The following GRID1 variants were observed in gnomAD, a reference collection of about 807,000 sequenced individuals.
The protein encoded by GRID1 is glutamate receptor ionotropic, delta-1.
GRID1 carries 28 observed loss-of-function variants against 98.0 expected under a neutral mutation model. That is an observed-to-expected ratio of 0.29 (90% confidence interval 0.21 to 0.39). The LOEUF (loss-of-function observed/expected upper bound fraction) is 0.39, where lower values mean the gene tolerates loss of function less well. Ranked by LOEUF, GRID1 falls within the 10% of genes least tolerant of loss-of-function variation. The pLI, the probability that GRID1 is intolerant of heterozygous loss-of-function variation, is 1.00. For synonymous variants in GRID1, 553 were observed against 538.5 expected (o/e 1.03, Z -0.37); for missense variants, 1,111 against 1,340.5 (o/e 0.83, Z 2.67).
intron 2 of GRID1, among the ~76,000 whole-genome samples, chr10:86,214,039 C>A (rs913933845): frequency 6.6e-6 from 1 of 152,202 alleles, no homozygotes; most frequent in Non-Finnish European, 1.5e-5. Context: ...CCAGTGGACC[C>A]TTACACCTCC....
At chr10:86,087,741 C>G (rs954887305) in intron 4 of GRID1, among the ~76,000 whole-genome samples, 1 of 152,162 alleles carries the variant, frequency 6.6e-6, no homozygotes, top group African/African-American at 2.4e-5. Flanking sequence ...GCACAGATAG[C>G]ACAAGGGAGA....
intron 13 of GRID1, among the ~76,000 whole-genome samples, chr10:85,638,194 G>C (rs1217026949): frequency 1.3e-5 from 2 of 152,144 alleles, no homozygotes; most frequent in African/African-American, 4.8e-5. Flanking sequence ...GAAAATCAGT[G>C]AAGACAAAAG....
chr10:86,055,354 AT>A (rs1843558332), intron 4 of GRID1, among the ~76,000 whole-genome samples: 1 of 152,184 alleles, frequency 6.6e-6, no homozygotes, highest in Non-Finnish European at 1.5e-5. Flanking sequence ...CAGAATTCAT[AT>A]GTTGAATCCT....
chr10:86,328,676 G>C (rs1332270461), intron 2 of GRID1, among the ~76,000 whole-genome samples: 1 of 152,210 alleles, frequency 6.6e-6, no homozygotes, highest in African/African-American at 2.4e-5. Flanking sequence ...ATTAAGGAGA[G>C]GTTCCCTATA....
chr10:85,996,715 G>GCTACT (rs1450122575), intron 4 of GRID1, among the ~76,000 whole-genome samples: 1 of 151,920 alleles, frequency 6.6e-6, no homozygotes, highest in African/African-American at 2.4e-5. Flanking sequence ...TGTAATCCCA[G>GCTACT]CTACTCAGAA....
intron 3 of GRID1, among the ~76,000 whole-genome samples, chr10:86,146,203 C>T (rs549126122): frequency 6.6e-6 from 1 of 152,312 alleles, no homozygotes; most frequent in East Asian, 1.9e-4. Flanking sequence ...CCACCTCACA[C>T]GCAGAAGAAA....
rs79021111 is a variant in GRID1 at position 86,321,659 on chromosome 10, A to G, written c.235+42282T>C. On this transcript the variant is annotated intron_variant, in intron 2 of 15. Coordinates refer to ENST00000327946, the MANE Select transcript of GRID1 (RefSeq NM_017551.3). ...AAGTGAGGACCCAGAAGAAGCCCCA[A>G]ATCAAATGTGAGGGTGGCTGGCAGG... Among the ~76,000 whole-genome samples the G allele has an allele frequency of 2.1e-3, 317 of 152,292 alleles. 1 individual carries two copies. Among genetic ancestry groups the G allele is most frequent in the African/African-American group, 7.3e-3 (302 of 41,568 alleles).
intron 4 of GRID1, among the ~76,000 whole-genome samples, chr10:86,065,006 T>C (rs2131916210): frequency 6.6e-6 from 1 of 152,324 alleles, no homozygotes; most frequent in South Asian, 2.1e-4. Flanking sequence ...TCATCCCACA[T>C]TACCATGTAG....
At chr10:85,881,788 C>T (rs184146981) in intron 5 of GRID1, among the ~76,000 whole-genome samples, 1 of 152,210 alleles carries the variant, frequency 6.6e-6, no homozygotes, top group East Asian at 1.9e-4. Context: ...TCTAATTAAA[C>T]TAAAGAGCTT....
chr10:85,686,913 A>C (rs1841275767), intron 12 of GRID1, among the ~76,000 whole-genome samples: 2 of 152,272 alleles, frequency 1.3e-5, no homozygotes, highest in South Asian at 4.1e-4. Context: ...AATATTTATC[A>C]ACTCTGGATG....
At chr10:86,000,527 C>T (rs1021649908) in intron 4 of GRID1, among the ~76,000 whole-genome samples, 1 of 152,088 alleles carries the variant, frequency 6.6e-6, no homozygotes, top group Non-Finnish European at 1.5e-5. Context: ...TCAGACTCAC[C>T]ATAAGTTATG....
chr10:85,704,705 C>A (rs1841494853), intron 12 of GRID1, among the ~76,000 whole-genome samples: 1 of 152,282 alleles, frequency 6.6e-6, no homozygotes, highest in East Asian at 1.9e-4. Context: ...CAAAAATTGA[C>A]CACATAGTTG....
chr10:86,131,562 A>G (rs1399098397), intron 4 of GRID1, among the ~76,000 whole-genome samples: 1 of 152,110 alleles, frequency 6.6e-6, no homozygotes, highest in Non-Finnish European at 1.5e-5. Flanking sequence ...GGCCTCCCAG[A>G]CAGTCTCTGT....
chr10:86,213,474 C>A (rs1846133406), intron 2 of GRID1, among the ~76,000 whole-genome samples: 1 of 151,978 alleles, frequency 6.6e-6, no homozygotes, highest in Non-Finnish European at 1.5e-5. Flanking sequence ...TCTCGCATGA[C>A]TTCCTGCCTC....
chr10:86,030,692 A>G lies in GRID1; in HGVS notation c.726+108127T>C, dbSNP rs1164584120. The stretch of plus-strand genomic sequence containing the variant: ...GGTTACCACTCCAGAGTGGGGAATG[A>G]TATAGGAGTTAAGAAGAAATCATTT... On this transcript the variant is annotated intron_variant, in intron 4 of 15. Transcript: ENST00000327946. Among the ~76,000 whole-genome samples, 8 of 152,330 alleles carry G rather than the reference A, an allele frequency of 5.3e-5. No homozygotes were observed. In the East Asian group the frequency reaches 1.5e-3, roughly 29 times the overall value.
intron 6 of GRID1, among the ~76,000 whole-genome samples, chr10:85,858,872 C>T (rs1244707398): frequency 2.0e-5 from 3 of 152,222 alleles, no homozygotes; most frequent in Non-Finnish European, 4.4e-5. Flanking sequence ...CTCCCTTTCA[C>T]TTCAGCACTT....
chr10:85,626,595 T>A (rs1446817595), intron 13 of GRID1, among the ~76,000 whole-genome samples: 1 of 152,206 alleles, frequency 6.6e-6, no homozygotes, highest in East Asian at 1.9e-4. Flanking sequence ...ACATTCACCA[T>A]CCATGCAGAG....
chr10:85,773,827 A>T (rs1370319302), intron 8 of GRID1, among the ~76,000 whole-genome samples: 2 of 152,232 alleles, frequency 1.3e-5, no homozygotes, highest in Admixed American at 6.5e-5. Context: ...ATGAAAGAGG[A>T]TACAAAGAAA....
chr10:85,771,541 A>T (rs1433204307), intron 8 of GRID1, among the ~76,000 whole-genome samples: 1 of 152,178 alleles, frequency 6.6e-6, no homozygotes, highest in African/African-American at 2.4e-5. Context: ...TTGGATAAAG[A>T]GTCAAGACCC....
Sources: allele counts gnomAD v4.1 joint callset (sites outside exome capture counted in the v4.1 genomes callset), GRCh38; gene constraint gnomAD v4.1.1; transcripts MANE v1.5; gene names NCBI Gene and HGNC (gene_info 2026-07-23, HGNC 2026-07-21).